Variants in OR5H15 observed in about 807,000 individuals in gnomAD.
OR5H15 encodes olfactory receptor family 5 subfamily H member 15.
For synonymous variants in OR5H15, 153 were observed against 129.1 expected (o/e 1.19, Z -1.26); for missense variants, 405 against 366.1 (o/e 1.11, Z -0.87).
rs762570818 is a variant in OR5H15 at position 98,169,440 on chromosome 3, T to A, written c.741T>A (p.Ser247=). The A allele has an allele frequency of 2.5e-6, 4 of 1,613,596 alleles. No homozygotes were observed. The highest frequency in any genetic ancestry group is 3.4e-6 in the Non-Finnish European group (4 of 1,179,712). ...CCACCTGTGGAGCCCATCTCTTCTC[T>A]GTCTGTTTATACTATGGCCCCCTTC... The part of the protein sequence containing the change: ...AFSTCGAHLF[S]VCLYYGPLLL... The change falls in exon 2 of 2, where the codon TCT becomes TCA. Residue 247 remains serine, a synonymous_variant. Transcript: ENST00000641450.
At chr3:98,168,435 T>G (rs1330011085) in intron 1 of OR5H15, among the ~76,000 whole-genome samples, 4 of 152,094 alleles carry the variant, frequency 2.6e-5, no homozygotes, top group Non-Finnish European at 4.4e-5. Flanking sequence ...AGTGTCCATA[T>G]AAATGTAGTG....
Position 98,169,238 on chromosome 3 carries a change from A to T in OR5H15, c.539A>T (p.Asp180Val). Reference protein sequence around the residue: ...NSNIVHHIYCDTIPLSKISCT... With the variant: ...NSNIVHHIYCVTIPLSKISCT... ...AACATAGTACATCACATTTACTGTG[A>T]CACTATCCCATTGTCTAAGATTTCT... The change falls in exon 2 of 2, where the codon GAC (aspartate) becomes GTC (valine). Residue 180 changes from aspartate to valine, a missense_variant. Asp to Val is a radical substitution (Grantham distance 152). Transcript: ENST00000641450. 1 of 1,611,542 alleles carries T rather than the reference A, an allele frequency of 6.2e-7. No homozygotes were observed. The highest frequency in any genetic ancestry group is 2.2e-5 in the East Asian group (1 of 44,726).
Position 98,169,634 on chromosome 3 carries a change from C to T in OR5H15, c.935C>T (p.Ser312Leu). 1 of 1,576,066 alleles carries T rather than the reference C, an allele frequency of 6.3e-7. No individual in the cohort carries two copies. The highest frequency in any genetic ancestry group is 8.7e-7 in the Non-Finnish European group (1 of 1,150,024). ...ATGTTAAAAAGAAATGTTAAGGTTTCATACTAATATCCTTTTTCTATTTAC... is the reference window on the plus strand; with the variant it reads ...ATGTTAAAAAGAAATGTTAAGGTTTTATACTAATATCCTTTTTCTATTTAC... ...IKMLKRNVKVSY is the reference protein window; with the variant it reads ...IKMLKRNVKVLY Residue 312 changes from serine (S) to leucine (L), a missense_variant, in exon 2 of 2, where the codon TCA becomes TTA. Physicochemically the swap from Ser to Leu is moderately radical, Grantham distance 145. Transcript: ENST00000641450.
chr3:98,168,425 A>G (rs1452444301), intron 1 of OR5H15, among the ~76,000 whole-genome samples: 1 of 152,046 alleles, frequency 6.6e-6, no homozygotes, highest in East Asian at 1.9e-4. Context: ...TGCACTCAAT[A>G]GTGTCCATAT....
chr3:98,166,729 A>T lies in OR5H15; in HGVS notation c.-121A>T, dbSNP rs1285402891. 6.6e-6 allele frequency: 1 copy of T among 152,172 alleles called. No individual in the cohort carries two copies. The highest frequency in any genetic ancestry group is 1.5e-5 in the Non-Finnish European group (1 of 68,034). 9.4% of individuals were successfully genotyped at this position (152,172 alleles called of 1,614,324 possible). Reference sequence around the variant, plus strand: ...CTTCAAAAAGCATGAGTACGTAATGAATGGCTACCTGTGTTATTGACATTG... The same window carrying T: ...CTTCAAAAAGCATGAGTACGTAATGTATGGCTACCTGTGTTATTGACATTG... On this transcript the variant is annotated 5_prime_UTR_variant, in exon 1 of 2. Transcript: ENST00000641450.
Position 98,169,140 on chromosome 3 carries a change from G to A in OR5H15, c.441G>A (p.Leu147=). ...TNGLCIRLLI[L]SYIAGILHAL... ...GACTGTGCATCCGGCTATTAATCTT[G>A]TCATATATAGCTGGTATTCTTCATG... The change falls in exon 2 of 2, where the codon TTG becomes TTA. Residue 147 remains leucine (L), a synonymous_variant. Transcript: ENST00000641450. 5 of 1,613,516 alleles carry A rather than the reference G, an allele frequency of 3.1e-6. No individual in the cohort carries two copies. The highest frequency in any genetic ancestry group is 4.2e-6 in the Non-Finnish European group (5 of 1,179,646).
At chr3:98,167,310 G>A (rs1708733374) in intron 1 of OR5H15, among the ~76,000 whole-genome samples, 1 of 152,120 alleles carries the variant, frequency 6.6e-6, no homozygotes, top group Non-Finnish European at 1.5e-5. Context: ...AATAAAGGTT[G>A]CATTAAGTAG....
In OR5H15 at chr3:98,169,473, G is replaced by A. The variant is rs139826640; in HGVS notation, c.774G>A (p.Met258Ile). The change falls in exon 2 of 2, where the codon ATG becomes ATA. Residue 258 changes from methionine (M) to isoleucine (I), a missense_variant. Coordinates refer to ENST00000641450, the MANE Select transcript of OR5H15 (RefSeq NM_001005515.2). ...TATACTATGGCCCCCTTCTCTTAAT[G>A]TATGTGGGCCCTGCATCTCCGCAAG... is the stretch of plus-strand genomic sequence containing the variant. The part of the protein sequence containing the change: ...VCLYYGPLLL[M>I]YVGPASPQAD... The A allele has an allele frequency of 6.0e-5, 97 of 1,612,840 alleles. No individual in the cohort carries two copies. Among genetic ancestry groups the A allele is most frequent in the Non-Finnish European group, 7.7e-5 (91 of 1,179,686 alleles).
chr3:98,168,806 T>C lies in OR5H15; in HGVS notation c.107T>C (p.Leu36Pro), dbSNP rs1708757828. ...TTCTTGGCATTCTTGGTAATATATC[T>C]CATCACCATCATGGGGAATCTTGGT... ...PLFLAFLVIY[L>P]ITIMGNLGLI... Residue 36 changes from leucine to proline, a missense_variant, in exon 2 of 2, where the codon CTC becomes CCC. Coordinates refer to ENST00000641450, the MANE Select transcript of OR5H15 (RefSeq NM_001005515.2). 1.9e-6 allele frequency: 3 copies of C among 1,613,532 alleles called. No homozygotes were observed. The East Asian group carries it at 6.7e-5, about 36-fold the overall frequency.
chr3:98,168,641 C>T (rs1484158010), intron 1 of OR5H15, 41 bp from the exon 2 acceptor site: 3 of 1,571,484 alleles, frequency 1.9e-6, no homozygotes, highest in East Asian at 4.5e-5. Context: ...CTCATAATGT[C>T]ATTGCAAATC....
chr3:98,167,133 G>A (rs1381346324), intron 1 of OR5H15, among the ~76,000 whole-genome samples: 2 of 152,030 alleles, frequency 1.3e-5, no homozygotes, highest in Non-Finnish European at 2.9e-5. Context: ...ACATCATAAT[G>A]ATTCTTATCT....
intron 1 of OR5H15, 56 bp from the exon 2 acceptor site, chr3:98,168,626 T>A: frequency 6.4e-7 from 1 of 1,564,316 alleles, no homozygotes; most frequent in Non-Finnish European, 8.7e-7. Context: ...CTTCCCCAAT[T>A]TCAACTCATA....
chr3:98,169,530 C>T lies in OR5H15; in HGVS notation c.831C>T (p.Phe277=). The T allele has an allele frequency of 6.2e-7, 1 of 1,613,018 alleles. No homozygotes were observed. The highest frequency in any genetic ancestry group is 8.5e-7 in the Non-Finnish European group (1 of 1,179,226). Residue 277 remains phenylalanine (F), a synonymous_variant, in exon 2 of 2, where the codon TTC becomes TTT. Transcript: ENST00000641450. ...GTCAAAATATGGTGGAGCCTCTATT[C>T]TACACTGTCATCATTCCTTTGTTAA... ...ADGQNMVEPL[F]YTVIIPLLNP...
In OR5H15 at chr3:98,169,333, G is replaced by A. The variant is rs148481518; in HGVS notation, c.634G>A (p.Val212Met). 9.0e-4 allele frequency: 1,444 copies of A among 1,612,628 alleles called. 10 individuals carry two copies. In the Middle Eastern group the frequency reaches 9.3e-3, roughly 10 times the overall value. The change falls in exon 2 of 2, where the codon GTG (valine) becomes ATG (methionine). Residue 212 changes from valine to methionine, a missense_variant. Coordinates refer to ENST00000641450, the MANE Select transcript of OR5H15 (RefSeq NM_001005515.2). ...AGGTTCAATTCAGGTATTCAGCATT[G>A]TGACTATTCTTATATCTTACACATT... ...FSGSIQVFSI[V>M]TILISYTFVL...
Position 98,169,370 on chromosome 3 carries a change from C to A in OR5H15, c.671C>A (p.Thr224Lys), listed in dbSNP as rs767515898. The A allele has an allele frequency of 1.2e-6, 2 of 1,613,072 alleles. No homozygotes were observed. Among genetic ancestry groups the A allele is most frequent in the Non-Finnish European group, 1.7e-6 (2 of 1,179,484 alleles). Residue 224 changes from threonine (T) to lysine (K), a missense_variant, in exon 2 of 2, where the codon ACA becomes AAA. Coordinates refer to ENST00000641450, the MANE Select transcript of OR5H15 (RefSeq NM_001005515.2). ...ILISYTFVLF[T>K]VLEKKSDKGV... Reference sequence around the variant, plus strand: ...ATATCTTACACATTTGTTCTCTTCACAGTCTTAGAAAAGAAATCTGATAAG... The same window carrying A: ...ATATCTTACACATTTGTTCTCTTCAAAGTCTTAGAAAAGAAATCTGATAAG...
intron 1 of OR5H15, 66 bp from the exon 2 acceptor site, chr3:98,168,616 C>G: frequency 6.5e-7 from 1 of 1,544,414 alleles, no homozygotes; most frequent in East Asian, 2.3e-5. Flanking sequence ...TTCAACATCT[C>G]TTCCCCAATT....
At chr3:98,168,200 C>G (rs1302185494) in intron 1 of OR5H15, among the ~76,000 whole-genome samples, 1 of 152,032 alleles carries the variant, frequency 6.6e-6, no homozygotes, top group Non-Finnish European at 1.5e-5. Context: ...CCAGTTTCCT[C>G]TTCTTGCAGC....
In OR5H15 at chr3:98,169,619, G is replaced by C. The variant is rs1262654797; in HGVS notation, c.920G>C (p.Arg307Thr). The change falls in exon 2 of 2, where the codon AGA (arginine) becomes ACA (threonine). Residue 307 changes from arginine to threonine, a missense_variant. Coordinates refer to ENST00000641450, the MANE Select transcript of OR5H15 (RefSeq NM_001005515.2). ...VIVSFIKMLK[R>T]NVKVSY ...GTTTCATTCATAAAAATGTTAAAAA[G>C]AAATGTTAAGGTTTCATACTAATAT... 1 of 1,595,932 alleles carries C rather than the reference G, an allele frequency of 6.3e-7. No individual in the cohort carries two copies. The highest frequency in any genetic ancestry group is 8.6e-7 in the Non-Finnish European group (1 of 1,167,000).
chr3:98,169,116 A>T lies in OR5H15; in HGVS notation c.417A>T (p.Gly139=), dbSNP rs767569231. 6.2e-7 allele frequency: 1 copy of T among 1,613,556 alleles called. No homozygotes were observed. The highest frequency in any genetic ancestry group is 1.1e-5 in the South Asian group (1 of 91,064). The stretch of plus-strand genomic sequence containing the variant: ...TTTATCCAGCCATTATGACCAATGG[A>T]CTGTGCATCCGGCTATTAATCTTGT... The part of the protein sequence containing the change: ...PLLYPAIMTN[G]LCIRLLILSY... The change falls in exon 2 of 2, where the codon GGA becomes GGT. Residue 139 remains glycine (G), a synonymous_variant. Transcript: ENST00000641450.
Sources: gnomAD v4.1 joint callset for allele counts (sites outside exome capture counted in the v4.1 genomes callset) on GRCh38, gnomAD v4.1.1 for gene constraint, MANE v1.5 for transcripts, NCBI Gene and HGNC (gene_info 2026-07-23, HGNC 2026-07-21) for gene names.